Variants in ETV7 observed in about 807,000 individuals in gnomAD.
ETV7 encodes ETS variant transcription factor 7, also known as transcription factor ETV7.
A neutral mutation model predicts 39.1 loss-of-function variants in ETV7; 43 were observed. The observed-to-expected ratio is 1.10, with a 90% CI of 0.86 to 1.42. ETV7 has a LOEUF of 1.42. Ranked by LOEUF, ETV7 falls within the 40% of genes most tolerant of loss-of-function variation. The pLI, the probability that ETV7 is intolerant of heterozygous loss-of-function variation, is 0.00. For synonymous variants in ETV7, 196 were observed against 176.6 expected (o/e 1.11, Z -0.87); for missense variants, 432 against 442.3 (o/e 0.98, Z 0.21).
At chr6:36,384,582 G>A (rs1773804298) in intron 2 of ETV7, among the ~76,000 whole-genome samples, 1 of 152,156 alleles carries the variant, frequency 6.6e-6, no homozygotes, top group Admixed American at 6.5e-5. Context: ...GTGTTTCTTA[G>A]AAGTTGTGTT....
chr6:36,385,755 A>G (rs1773869538), intron 1 of ETV7, 86 bp from the exon 2 acceptor site: 1 of 1,457,278 alleles, frequency 6.9e-7, no homozygotes, highest in African/African-American at 1.4e-5. Flanking sequence ...ATTTTTTTGG[A>G]AGGGAAAGAG....
downstream of ETV7, among the ~76,000 whole-genome samples, chr6:36,363,370 T>TGGAGG (rs1396665280): frequency 1.3e-5 from 2 of 151,944 alleles, no homozygotes; most frequent in Non-Finnish European, 2.9e-5. Flanking sequence ...CTGGAGTCGT[T>TGGAGG]CGTTCCTCCC....
intron 2 of ETV7, among the ~76,000 whole-genome samples, chr6:36,380,143 T>C (rs1258528301): frequency 6.6e-6 from 1 of 152,096 alleles, no homozygotes; most frequent in Non-Finnish European, 1.5e-5. Context: ...ACACGTAAAA[T>C]GCGTGGCACA....
At chr6:36,373,098 C>G (rs760940182) in intron 4 of ETV7, among the ~76,000 whole-genome samples, 2 of 151,850 alleles carry the variant, frequency 1.3e-5, no homozygotes, top group African/African-American at 4.8e-5. Context: ...TCAAAGGCTG[C>G]GAGAGACCAC....
intron 2 of ETV7, among the ~76,000 whole-genome samples, chr6:36,382,716 T>C (rs1028088692): frequency 6.6e-6 from 1 of 152,104 alleles, no homozygotes; most frequent in African/African-American, 2.4e-5. Flanking sequence ...GTGTTATCCC[T>C]CTCCTTGCAA....
At chr6:36,371,876 T>C (rs943336108) in intron 4 of ETV7, among the ~76,000 whole-genome samples, 1 of 152,238 alleles carries the variant, frequency 6.6e-6, no homozygotes, top group Non-Finnish European at 1.5e-5. Context: ...TCCTCTCCAT[T>C]TGCCCAACGA....
chr6:36,368,891 C>G (rs751597286), intron 6 of ETV7, 38 bp downstream of exon 6: 1 of 1,613,964 alleles, frequency 6.2e-7, no homozygotes, highest in South Asian at 1.1e-5. Flanking sequence ...CTGTCCCCTT[C>G]TGGTTATGTT....
rs146389206 is a variant in ETV7, at chr6:36,375,924, C to T, written c.254G>A (p.Arg85His). The change falls in exon 3 of 8, where the codon CGC (arginine) becomes CAC (histidine). Residue 85 changes from arginine to histidine, a missense_variant. Transcript: ENST00000340181. ...GTCCTTGGTGAGGATGCAGAGGGCG[C>T]GTCCGTTCATCTCGAACCCGTGCTC... is the stretch of plus-strand genomic sequence containing the variant. ...TAEHGFEMNG[R>H]ALCILTKDDF... The T allele has an allele frequency of 1.4e-4, 220 of 1,614,018 alleles. 2 individuals are homozygous for T. Among genetic ancestry groups the T allele is most frequent in the African/African-American group, 6.3e-4 (47 of 75,048 alleles).
intron 5 of ETV7, among the ~76,000 whole-genome samples, chr6:36,369,434 G>T (rs1772895415): frequency 6.6e-6 from 1 of 152,204 alleles, no homozygotes; most frequent in African/African-American, 2.4e-5. Flanking sequence ...AGGCTGAGGG[G>T]CTGGGCCCCT....
chr6:36,362,731 G>A (rs7740447), downstream of ETV7, among the ~76,000 whole-genome samples: 970 of 152,294 alleles, frequency 6.4e-3, 18 homozygotes, highest in Middle Eastern at 0.061. Context: ...GCAGAGTTCC[G>A]GAGTCGGGAT....
Position 36,366,334 on chromosome 6 carries a change from G to A in ETV7, c.*311C>T. The A allele has an allele frequency of 1.7e-6, 2 of 1,172,176 alleles. No homozygotes were observed. Among genetic ancestry groups the A allele is most frequent in the Non-Finnish European group, 2.1e-6 (2 of 944,008 alleles). 72.6% of individuals were successfully genotyped at this position (1,172,176 alleles called of 1,614,324 possible). ...TGAGGGACTTCATTCCCTTCATCTG[G>A]TAAATTCCATTTACAGGGGTGGGGC... On this transcript the variant is annotated 3_prime_UTR_variant, in exon 8 of 8. Coordinates refer to ENST00000340181, the MANE Select transcript of ETV7 (RefSeq NM_016135.4).
intron 3 of ETV7, among the ~76,000 whole-genome samples, chr6:36,374,749 G>A (rs1166889922): frequency 6.6e-6 from 1 of 152,222 alleles, no homozygotes; most frequent in Non-Finnish European, 1.5e-5. Context: ...TGCTACAGGA[G>A]GCTCACAGTG....
chr6:36,368,842 T>C, intron 6 of ETV7, 87 bp downstream of exon 6: 1 of 1,560,062 alleles, frequency 6.4e-7, no homozygotes, highest in South Asian at 1.1e-5. Flanking sequence ...CAGCTGAGGA[T>C]TGTCCCATAG....
At chr6:36,369,144 T>A in intron 5 of ETV7, 73 bp from the exon 6 acceptor site, 1 of 1,581,934 alleles carries the variant, frequency 6.3e-7, no homozygotes, top group Non-Finnish European at 8.6e-7. Context: ...AGAAAGGCAC[T>A]CTTGGAAGCC....
intron 3 of ETV7, among the ~76,000 whole-genome samples, chr6:36,375,514 A>G (rs949667021): frequency 2.6e-5 from 4 of 152,196 alleles, no homozygotes; most frequent in Non-Finnish European, 4.4e-5. Context: ...GTGAATGAAT[A>G]TTTGATCTTT....
chr6:36,368,801 TCA>T, intron 6 of ETV7, 126 bp downstream of exon 6: 2 of 1,244,246 alleles, frequency 1.6e-6, no homozygotes, highest in Non-Finnish European at 2.3e-6. Flanking sequence ...AATTATCCTG[TCA>T]CTTTTGGGGC....
intron 7 of ETV7, among the ~76,000 whole-genome samples, chr6:36,359,536 G>A (rs1177451860): frequency 1.3e-5 from 2 of 152,144 alleles, no homozygotes; most frequent in Non-Finnish European, 2.9e-5. Flanking sequence ...AGGTAAAGAT[G>A]ATTTGTTCCT....
chr6:36,369,560 C>T (rs1423965941), intron 5 of ETV7, among the ~76,000 whole-genome samples: 1 of 152,180 alleles, frequency 6.6e-6, no homozygotes, highest in Non-Finnish European at 1.5e-5. Context: ...ACCAGGCATG[C>T]CATTGGGAGG....
chr6:36,366,253 C>G lies in ETV7; in HGVS notation c.*392G>C, dbSNP rs1369461649. On this transcript the variant is annotated 3_prime_UTR_variant, in exon 8 of 8. Transcript: ENST00000340181. ...TCAGTGCCGCCTGGAAGCACTAACACTTTTTCCCATTTCCTGCCTCAGCCC... is the reference window on the plus strand; with the variant it reads ...TCAGTGCCGCCTGGAAGCACTAACAGTTTTTCCCATTTCCTGCCTCAGCCC... 9.5e-7 allele frequency: 1 copy of G among 1,047,436 alleles called. No individual in the cohort carries two copies. Among genetic ancestry groups the G allele is most frequent in the Non-Finnish European group, 1.2e-6 (1 of 867,764 alleles). The allele number at this position is 1,047,436 out of a possible 1,614,324, so 64.9% of individuals were successfully genotyped here. A position where few individuals can be genotyped will look rare whatever the true frequency, so the allele number is the denominator to read the frequency against.
Sources: gnomAD v4.1 joint callset for allele counts (sites outside exome capture counted in the v4.1 genomes callset) on GRCh38, gnomAD v4.1.1 for gene constraint, MANE v1.5 for transcripts, NCBI Gene and HGNC (gene_info 2026-07-23, HGNC 2026-07-21) for gene names.